MAP4K3: variants seen among roughly 807,000 people sequenced by gnomAD.
MAP4K3 encodes the protein MAPK/ERK kinase kinase kinase 3.
Under a neutral mutation model 143.5 loss-of-function variants are expected in MAP4K3, and 94 were observed. That is an observed-to-expected ratio of 0.65 (90% CI 0.55 to 0.78). The LOEUF is 0.78. MAP4K3 is among the 30% of genes least tolerant of loss of function. MAP4K3 has a pLI of 0.00. For missense variants in MAP4K3, 1,077 were observed against 1,068.1 expected, an observed-to-expected ratio of 1.01 and a Z score of -0.12; for synonymous variants, 416 against 347.2, an observed-to-expected ratio of 1.20 and a Z score of -2.20.
chr2:39,412,948 T>C (rs1439234615), intron 1 of MAP4K3, among the ~76,000 whole-genome samples: 1 of 152,206 alleles, frequency 6.6e-6, no homozygotes, highest in Non-Finnish European at 1.5e-5. Context: ...TGGTAGATAG[T>C]AACCTGCCAT....
At chr2:39,275,561 A>G (rs1681213690) in intron 24 of MAP4K3, among the ~76,000 whole-genome samples, 1 of 152,238 alleles carries the variant, frequency 6.6e-6, no homozygotes, top group Admixed American at 6.5e-5. Context: ...AGCTGGCCTT[A>G]TTCCTTACAA....
intron 1 of MAP4K3, 23 bp downstream of exon 1, chr2:39,436,869 C>T (rs113021812): frequency 0.048 from 76,034 of 1,579,986 alleles, 1,950 homozygotes; most frequent in African/African-American, 0.056. Context: ...ACGGCCTCGG[C>T]GGCGCGCGGC....
intron 4 of MAP4K3, 132 bp from the exon 5 acceptor site, chr2:39,337,713 C>T: frequency 2.4e-6 from 1 of 412,506 alleles, no homozygotes; most frequent in Non-Finnish European, 4.5e-6. Flanking sequence ...GCTAGGACTA[C>T]AGGCATGAAT....
At chr2:39,333,423 C>T in intron 7 of MAP4K3, 109 bp downstream of exon 7, 1 of 772,440 alleles carries the variant, frequency 1.3e-6, no homozygotes, top group Non-Finnish European at 2.2e-6. Context: ...TCTAAAAATA[C>T]ACAGATGCCG....
intron 12 of MAP4K3, among the ~76,000 whole-genome samples, chr2:39,321,279 G>A (rs563306514): frequency 1.6e-4 from 24 of 152,222 alleles, no homozygotes; most frequent in African/African-American, 5.1e-4. Context: ...GTTAATCTAT[G>A]ATCTTATTAC....
At chr2:39,387,886 TA>T (rs1001279665) in intron 1 of MAP4K3, among the ~76,000 whole-genome samples, 1 of 151,882 alleles carries the variant, frequency 6.6e-6, no homozygotes, top group Non-Finnish European at 1.5e-5. Context: ...CTGGTCCTAA[TA>T]AAAAAAAATT....
At chr2:39,389,694 T>C (rs1024696395) in intron 1 of MAP4K3, among the ~76,000 whole-genome samples, 2 of 152,240 alleles carry the variant, frequency 1.3e-5, no homozygotes, top group Admixed American at 6.5e-5. Context: ...TTCAATAAAA[T>C]AGGGCAAAAT....
Position 39,437,020 on chromosome 2 carries a change from G to A in MAP4K3, c.-33C>T. 6.4e-7 allele frequency: 1 copy of A among 1,560,440 alleles called. No homozygotes were observed. The highest frequency in any genetic ancestry group is 8.8e-7 in the Non-Finnish European group (1 of 1,138,556). On this transcript the variant is annotated 5_prime_UTR_variant, in exon 1 of 34. Transcript: ENST00000263881. ...CCCAGGTGCCCCCCGCCTCCCTCCC[G>A]GGCAGGGGAGGGGGGCCGCTCAGGG...
At chr2:39,424,435 T>C (rs936554664) in intron 1 of MAP4K3, among the ~76,000 whole-genome samples, 1 of 151,924 alleles carries the variant, frequency 6.6e-6, no homozygotes, top group Non-Finnish European at 1.5e-5. Flanking sequence ...AGGTGAACAG[T>C]CGTGGGCCCA....
intron 1 of MAP4K3, among the ~76,000 whole-genome samples, chr2:39,419,546 A>G (rs746463193): frequency 2.6e-5 from 4 of 152,212 alleles, no homozygotes; most frequent in Non-Finnish European, 5.9e-5. Flanking sequence ...AGTAATTAAC[A>G]GAAACCTCCA....
intron 26 of MAP4K3, among the ~76,000 whole-genome samples, chr2:39,268,256 T>C (rs10175094): frequency 0.74 from 112,477 of 152,134 alleles, 44,248 homozygotes; most frequent in Non-Finnish European, 0.87. Flanking sequence ...ATAATAAAGG[T>C]TGTTGGTGCA....
At chr2:39,260,460 G>C (rs1680521532) in intron 29 of MAP4K3, 146 bp downstream of exon 29, 2 of 675,070 alleles carry the variant, frequency 3.0e-6, no homozygotes, top group Admixed American at 3.0e-5. Flanking sequence ...ATTTTAAAGA[G>C]AGTAATCTTC....
intron 15 of MAP4K3, among the ~76,000 whole-genome samples, chr2:39,305,485 T>C (rs558841210): frequency 3.0e-4 from 46 of 152,330 alleles, no homozygotes; most frequent in African/African-American, 1.1e-3. Context: ...AATAAGTTAA[T>C]ATATTTAAAG....
At chr2:39,322,416 TAGTA>T (rs945635713) in intron 12 of MAP4K3, among the ~76,000 whole-genome samples, 5 of 152,106 alleles carry the variant, frequency 3.3e-5, no homozygotes, top group Admixed American at 3.3e-4. Flanking sequence ...ATGCTGTACA[TAGTA>T]AGTGGGCTTA....
intron 12 of MAP4K3, chr2:39,315,598 A>C (rs72925250): frequency 0.027 from 13,467 of 503,044 alleles, 1,552 homozygotes; most frequent in African/African-American, 0.24. Flanking sequence ...CACAACATAA[A>C]TTATTATTTG....
At chr2:39,317,437 C>T (rs1227647080) in intron 12 of MAP4K3, among the ~76,000 whole-genome samples, 1 of 152,068 alleles carries the variant, frequency 6.6e-6, no homozygotes, top group Non-Finnish European at 1.5e-5. Context: ...TAAACAGGTT[C>T]GGCACAGCAA....
At chr2:39,426,500 T>G (rs1442947810) in intron 1 of MAP4K3, among the ~76,000 whole-genome samples, 1 of 152,108 alleles carries the variant, frequency 6.6e-6, no homozygotes, top group Admixed American at 6.5e-5. Flanking sequence ...GTCTTTCATT[T>G]TGAGAATACA....
chr2:39,339,997 A>G (rs1317275659), intron 4 of MAP4K3, among the ~76,000 whole-genome samples: 1 of 151,968 alleles, frequency 6.6e-6, no homozygotes. Flanking sequence ...TATTAAATAA[A>G]CAAACACAAA....
intron 1 of MAP4K3, among the ~76,000 whole-genome samples, chr2:39,428,513 A>C (rs1475319588): frequency 6.6e-6 from 1 of 150,898 alleles, no homozygotes; most frequent in African/African-American, 2.4e-5. Context: ...TCTCTACTAA[A>C]ATAATACAAA....
Sources: gnomAD v4.1 joint callset for allele counts (sites outside exome capture counted in the v4.1 genomes callset) on GRCh38, gnomAD v4.1.1 for gene constraint, MANE v1.5 for transcripts, NCBI Gene and HGNC (gene_info 2026-07-23, HGNC 2026-07-21) for gene names.